The following SVEP1 variants were observed in gnomAD, a reference collection of about 807,000 sequenced individuals.
SVEP1 encodes sushi, von Willebrand factor type A, EGF and pentraxin domain containing 1.
SVEP1 carries 164 observed loss-of-function variants against 367.3 expected under a neutral mutation model. That is an observed-to-expected ratio of 0.45 (90% CI 0.39 to 0.51). The LOEUF (loss-of-function observed/expected upper bound fraction) is 0.51. Among genes scored for constraint, SVEP1 ranks in the 20% least tolerant of loss-of-function variants. The pLI is 0.00. For synonymous variants in SVEP1, 1,666 were observed against 1,611.6 expected, an observed-to-expected ratio of 1.03 and a Z score of -0.81; for missense variants, 4,117 against 4,425.3, an observed-to-expected ratio of 0.93 and a Z score of 1.98.
intron 14 of SVEP1, among the ~76,000 whole-genome samples, chr9:110,475,537 ATCTT>A (rs1356661862): frequency 2.5e-5 from 3 of 118,650 alleles, no homozygotes; most frequent in African/African-American, 8.4e-5. Flanking sequence ...TATTATTATT[ATCTT>A]TTTTTTTTTT....
intron 18 of SVEP1, among the ~76,000 whole-genome samples, chr9:110,461,944 G>T (rs1828864575): frequency 6.6e-6 from 1 of 152,086 alleles, no homozygotes; most frequent in South Asian, 2.1e-4. Flanking sequence ...CTTAAAATGG[G>T]TTTCCTCAAT....
At chr9:110,391,133 A>C (rs1423941533) in intron 40 of SVEP1, among the ~76,000 whole-genome samples, 4 of 152,188 alleles carry the variant, frequency 2.6e-5, no homozygotes, top group African/African-American at 9.7e-5. Flanking sequence ...TTGTTGCATA[A>C]ATTTCATAAT....
intron 1 of SVEP1, among the ~76,000 whole-genome samples, chr9:110,560,781 C>A (rs186626639): frequency 6.6e-6 from 1 of 152,142 alleles, no homozygotes; most frequent in South Asian, 2.1e-4. Context: ...CATCCAGATG[C>A]GTACATTTCC....
intron 41 of SVEP1, among the ~76,000 whole-genome samples, chr9:110,388,151 A>AAAGTATAAGACAATAG (rs1827554642): frequency 6.6e-6 from 1 of 152,016 alleles, no homozygotes; most frequent in African/African-American, 2.4e-5. Context: ...AAAGACAATA[A>AAAGTATAAGACAATAG]GAAAGTATAA....
At chr9:110,454,992 A>G (rs1828756169) in intron 22 of SVEP1, among the ~76,000 whole-genome samples, 1 of 152,214 alleles carries the variant, frequency 6.6e-6, no homozygotes, top group African/African-American at 2.4e-5. Context: ...AATAAAGACA[A>G]AGATTTTGAA....
At chr9:110,400,733 C>G (rs920343660) in intron 40 of SVEP1, 121 bp downstream of exon 40, 2 of 1,110,234 alleles carry the variant, frequency 1.8e-6, no homozygotes, top group Non-Finnish European at 2.5e-6. Flanking sequence ...TATAAGGGAA[C>G]AAAGTATAAT....
At chr9:110,433,363 C>CA (rs1828381373) in intron 30 of SVEP1, among the ~76,000 whole-genome samples, 2 of 24,962 alleles carry the variant, frequency 8.0e-5, no homozygotes, top group African/African-American at 4.3e-4. Context: ...GGTAGATAGG[C>CA]CAAAAAAAAA....
At chr9:110,386,885 A>C (rs1367753953) in intron 42 of SVEP1, among the ~76,000 whole-genome samples, 2 of 152,202 alleles carry the variant, frequency 1.3e-5, no homozygotes, top group African/African-American at 4.8e-5. Context: ...TCATTATCTT[A>C]ATTTATCATA....
chr9:110,469,556 C>T (rs1448929283), intron 16 of SVEP1, among the ~76,000 whole-genome samples: 1 of 152,206 alleles, frequency 6.6e-6, no homozygotes, highest in East Asian at 1.9e-4. Flanking sequence ...TTAGCACCCT[C>T]CTTTTCTTGA....
chr9:110,366,496 G>T lies in SVEP1; in HGVS notation c.*43C>A, dbSNP rs369478846. On this transcript the variant is annotated 3_prime_UTR_variant, in exon 48 of 48. Coordinates refer to ENST00000374469, the MANE Select transcript of SVEP1 (RefSeq NM_153366.4). ...CAGGATGCCCAGGCACTACCGAGGA[G>T]AGATGATCCTGCTTTTGGGAGAGCC... 4 of 1,539,138 alleles carry T rather than the reference G, an allele frequency of 2.6e-6. No individual in the cohort carries two copies. The highest frequency in any genetic ancestry group is 1.7e-4 in the Middle Eastern group (1 of 5,846).
intron 3 of SVEP1, 48 bp downstream of exon 3, chr9:110,546,067 T>C (rs1054187997): frequency 1.9e-5 from 29 of 1,541,120 alleles, no homozygotes; most frequent in African/African-American, 4.1e-5. Context: ...TTTAGAATCA[T>C]TTGTTACACA....
At chr9:110,389,710 G>GTTAAAAACAT in intron 40 of SVEP1, 123 bp from the exon 41 acceptor site, 2 of 1,010,158 alleles carry the variant, frequency 2.0e-6, no homozygotes, top group Non-Finnish European at 2.8e-6. Context: ...AAATAAACAT[G>GTTAAAAACAT]TTAAAAACAT....
chr9:110,464,996 T>A (rs938057040), intron 18 of SVEP1, among the ~76,000 whole-genome samples: 1 of 152,172 alleles, frequency 6.6e-6, no homozygotes, highest in Non-Finnish European at 1.5e-5. Context: ...CTGGAAAACA[T>A]CCCTCAGTAG....
intron 27 of SVEP1, among the ~76,000 whole-genome samples, chr9:110,439,759 T>TC (rs1828486194): frequency 6.6e-6 from 1 of 152,034 alleles, no homozygotes; most frequent in Non-Finnish European, 1.5e-5. Flanking sequence ...CCAAGCAGAC[T>TC]AAGACAGCCA....
intron 27 of SVEP1, among the ~76,000 whole-genome samples, chr9:110,440,953 C>A (rs146785669): frequency 2.0e-5 from 3 of 152,176 alleles, no homozygotes; most frequent in Middle Eastern, 3.2e-3. Context: ...CATAGGAATG[C>A]AATTTGAGAG....
chr9:110,392,669 C>G (rs1259559699), intron 40 of SVEP1, among the ~76,000 whole-genome samples: 1 of 152,168 alleles, frequency 6.6e-6, no homozygotes, highest in East Asian at 1.9e-4. Flanking sequence ...AAAGACAATT[C>G]TTCCTCTTGA....
In SVEP1 at chr9:110,572,817, T is replaced by A. The variant is rs957443126; in HGVS notation, c.531+6196A>T. 2.7e-3 allele frequency among the ~76,000 whole-genome samples: 266 copies of A among 99,544 alleles called. 1 individual carries two copies. The highest frequency in any genetic ancestry group is 8.2e-3 in the African/African-American group (193 of 23,492). 65.3% of individuals were successfully genotyped at this position (99,544 alleles called of 152,430 possible). ...AAAAAAAAAAAAAAAAAAAAAAAAATGAGTACTACTTTTTTGCCTGGGAAA... is the reference window on the plus strand; with the variant it reads ...AAAAAAAAAAAAAAAAAAAAAAAAAAGAGTACTACTTTTTTGCCTGGGAAA... On this transcript the variant is annotated intron_variant, in intron 1 of 47. Transcript: ENST00000374469.
Position 110,407,009 on chromosome 9 carries a change from A to G in SVEP1, c.8591T>C (p.Leu2864Ser). 1 of 1,613,938 alleles carries G rather than the reference A, an allele frequency of 6.2e-7. No homozygotes were observed. Among genetic ancestry groups the G allele is most frequent in the Non-Finnish European group, 8.5e-7 (1 of 1,179,872 alleles). The change falls in exon 38 of 48, where the codon TTG becomes TCG. Residue 2864 changes from leucine (L) to serine (S), a missense_variant. Physicochemically the swap from Leu to Ser is moderately radical, Grantham distance 145. Around this residue, in one of 4 missense-constraint regions of SVEP1, gnomAD observed 1,765 missense variants for 1,781.1 expected, o/e 0.99. Coordinates refer to ENST00000374469, the MANE Select transcript of SVEP1 (RefSeq NM_153366.4). The part of the protein sequence containing the change: ...EIEYTCNEGF[L>S]LEGARSRVCL... ...AACCCGACTCCTGGCTCCCTCAAGC[A>G]AGAACCCTTCATTGCAAGTGTATTC...
chr9:110,497,838 T>C (rs985732164), intron 7 of SVEP1, among the ~76,000 whole-genome samples: 1 of 152,234 alleles, frequency 6.6e-6, no homozygotes, highest in Non-Finnish European at 1.5e-5. Flanking sequence ...TATATCTGAA[T>C]TGATCTCATT....
Sources: allele counts gnomAD v4.1 joint callset (sites outside exome capture counted in the v4.1 genomes callset), GRCh38; gene constraint gnomAD v4.1.1; regional missense constraint gnomAD v4.1.1; transcripts MANE v1.5; gene names NCBI Gene and HGNC (gene_info 2026-07-23, HGNC 2026-07-21).